UTRN: variants seen among roughly 807,000 people sequenced by gnomAD.
UTRN encodes the protein utrophin.
UTRN carries 283 observed loss-of-function variants against 463.9 expected under a neutral mutation model. The ratio of observed to expected loss-of-function variants is 0.61; its 90% CI spans 0.55 to 0.67. The LOEUF is 0.67. UTRN is among the 30% of genes least tolerant of loss of function. UTRN has a pLI of 0.00. For missense variants in UTRN, 3,922 were observed against 4,084.3 expected, an observed-to-expected ratio of 0.96 and a Z score of 1.08; for synonymous variants, 1,442 against 1,431.5, an observed-to-expected ratio of 1.01 and a Z score of -0.17.
In UTRN at chr6:144,840,820, C is replaced by T; in HGVS notation, c.10258C>T (p.Pro3420Ser). ...CATGGAGCAGATTCACAGCACGTTT[C>T]CATCTTGCTGCCGTGAGTATGAAAG... ...EVMEQIHSTFPSCCPNVPSRP... is the reference protein window; with the variant it reads ...EVMEQIHSTFSSCCPNVPSRP... The change falls in exon 73 of 75, where the codon CCA becomes TCA. Residue 3420 changes from proline (P) to serine (S), a missense_variant. Coordinates refer to ENST00000367545, the MANE Select transcript of UTRN (RefSeq NM_007124.3). 1.2e-6 allele frequency: 2 copies of T among 1,614,026 alleles called. No individual in the cohort carries two copies. Among genetic ancestry groups the T allele is most frequent in the Non-Finnish European group, 1.7e-6 (2 of 1,179,984 alleles).
intron 73 of UTRN, among the ~76,000 whole-genome samples, chr6:144,841,541 A>C (rs890545720): frequency 6.6e-6 from 1 of 152,138 alleles, no homozygotes; most frequent in African/African-American, 2.4e-5. Flanking sequence ...CTCTCACCTA[A>C]AACACTTCTG....
chr6:144,493,533 C>G, intron 33 of UTRN, 77 bp downstream of exon 33: 1 of 1,447,942 alleles, frequency 6.9e-7, no homozygotes, highest in Non-Finnish European at 9.2e-7. Context: ...CTCTCGTTCT[C>G]TCTCATGTAT....
At chr6:144,701,158 C>T (rs1226436035) in intron 53 of UTRN, among the ~76,000 whole-genome samples, 7 of 152,110 alleles carry the variant, frequency 4.6e-5, no homozygotes, top group South Asian at 2.1e-4. Context: ...CTGTCTTCCT[C>T]GGCCTCCCAA....
intron 2 of UTRN, among the ~76,000 whole-genome samples, chr6:144,342,013 C>T (rs1368722397): frequency 2.0e-5 from 3 of 152,186 alleles, no homozygotes; most frequent in Non-Finnish European, 4.4e-5. Context: ...GTGGTGCCCA[C>T]GCCTCACTGG....
intron 65 of UTRN, among the ~76,000 whole-genome samples, chr6:144,804,289 TGGAG>T (rs1489712760): frequency 6.6e-6 from 1 of 152,164 alleles, no homozygotes; most frequent in African/African-American, 2.4e-5. Flanking sequence ...TGAATTATAA[TGGAG>T]GAAGTGCCCA....
intron 53 of UTRN, among the ~76,000 whole-genome samples, chr6:144,727,569 T>C (rs577979122): frequency 8.6e-5 from 13 of 151,868 alleles, no homozygotes; most frequent in South Asian, 2.1e-4. Context: ...CCATCCTGGC[T>C]AACACAGTGA....
intron 65 of UTRN, among the ~76,000 whole-genome samples, chr6:144,807,202 C>T (rs1417432621): frequency 6.6e-6 from 1 of 152,060 alleles, no homozygotes; most frequent in East Asian, 1.9e-4. Context: ...TTACAGCTGA[C>T]TCTGAATGTT....
At position 144,429,613 on chromosome 6, in the gene UTRN, A is replaced by G. The variant is rs1403467919; in HGVS notation, c.727A>G (p.Ile243Val). Reference protein sequence around the residue: ...VAVQLPDKKSIIMYLTSLFEV... With the variant: ...VAVQLPDKKSVIMYLTSLFEV... Reference sequence around the variant, plus strand: ...CGTTCAGCTTCCTGACAAGAAATCCATAATTATGTATTTAACATCTTTGTT... The same window carrying G: ...CGTTCAGCTTCCTGACAAGAAATCCGTAATTATGTATTTAACATCTTTGTT... Residue 243 changes from isoleucine to valine, a missense_variant, in exon 9 of 75, where the codon ATA (isoleucine) becomes GTA (valine). Transcript: ENST00000367545. 6.2e-7 allele frequency: 1 copy of G among 1,607,618 alleles called. No homozygotes were observed. Among genetic ancestry groups the G allele is most frequent in the Non-Finnish European group, 8.5e-7 (1 of 1,177,208 alleles).
chr6:144,629,536 C>T (rs1240885990), intron 51 of UTRN, among the ~76,000 whole-genome samples: 1 of 152,216 alleles, frequency 6.6e-6, no homozygotes, highest in African/African-American at 2.4e-5. Flanking sequence ...CTTCTTCTCT[C>T]AAAAAGTAAC....
chr6:144,649,997 G>T (rs1778647659), intron 51 of UTRN, among the ~76,000 whole-genome samples: 1 of 151,760 alleles, frequency 6.6e-6, no homozygotes, highest in Non-Finnish European at 1.5e-5. Flanking sequence ...CTAAGACTGG[G>T]TAATTTATTT....
chr6:144,552,356 A>G (rs1798998503), intron 48 of UTRN, among the ~76,000 whole-genome samples: 3 of 152,178 alleles, frequency 2.0e-5, no homozygotes, highest in South Asian at 4.1e-4. Context: ...GATTGTGCCT[A>G]TTATGGAACT....
chr6:144,624,133 G>T (rs1775708978), intron 51 of UTRN, among the ~76,000 whole-genome samples: 1 of 152,192 alleles, frequency 6.6e-6, no homozygotes, highest in Non-Finnish European at 1.5e-5. Context: ...GGAATGGGAT[G>T]AAGCCAGTGT....
chr6:144,652,067 A>C (rs1778876167), intron 51 of UTRN, among the ~76,000 whole-genome samples: 1 of 152,160 alleles, frequency 6.6e-6, no homozygotes, highest in South Asian at 2.1e-4. Flanking sequence ...AACACTCTCC[A>C]GATTAAATTC....
At chr6:144,652,722 A>C (rs934236859) in intron 51 of UTRN, among the ~76,000 whole-genome samples, 4 of 152,232 alleles carry the variant, frequency 2.6e-5, no homozygotes, top group African/African-American at 7.2e-5. Context: ...TCCTTTAAGT[A>C]AGCAGGAGTT....
At chr6:144,375,355 G>C (rs1020702139) in intron 2 of UTRN, among the ~76,000 whole-genome samples, 1 of 152,192 alleles carries the variant, frequency 6.6e-6, no homozygotes, top group Admixed American at 6.5e-5. Context: ...ATAACTCAGC[G>C]TTTATAAGCA....
At chr6:144,487,001 A>G (rs1028410738) in intron 28 of UTRN, among the ~76,000 whole-genome samples, 1 of 152,212 alleles carries the variant, frequency 6.6e-6, no homozygotes, top group Non-Finnish European at 1.5e-5. Flanking sequence ...TATATAAAAC[A>G]ATGCCTCTTA....
chr6:144,644,031 G>T (rs1192858433), intron 51 of UTRN, among the ~76,000 whole-genome samples: 2 of 152,118 alleles, frequency 1.3e-5, no homozygotes, highest in African/African-American at 4.8e-5. Context: ...AATCACGTAT[G>T]ACTAATTTAT....
At chr6:144,617,896 A>G (rs1021773043) in intron 51 of UTRN, among the ~76,000 whole-genome samples, 6 of 152,150 alleles carry the variant, frequency 3.9e-5, no homozygotes, top group Admixed American at 6.5e-5. Context: ...TTGGGAGTTC[A>G]GGGAGGATTG....
chr6:144,409,974 A>T (rs183972187), intron 3 of UTRN, among the ~76,000 whole-genome samples: 3 of 152,204 alleles, frequency 2.0e-5, no homozygotes, highest in Non-Finnish European at 4.4e-5. Flanking sequence ...AGAAAGAACA[A>T]TGAACACTTG....
Sources: allele counts gnomAD v4.1 joint callset (sites outside exome capture counted in the v4.1 genomes callset), GRCh38; gene constraint gnomAD v4.1.1; transcripts MANE v1.5; gene names NCBI Gene and HGNC (gene_info 2026-07-23, HGNC 2026-07-21).